The following GRAP variants were observed in gnomAD, a reference collection of about 807,000 sequenced individuals.
GRAP encodes GRB2-related adapter protein.
GRAP carries 2 observed loss-of-function variants against 9.1 expected under a neutral mutation model. That is an observed-to-expected ratio of 0.22 (90% CI 0.09 to 0.69). The LOEUF (loss-of-function observed/expected upper bound fraction) is 0.69, where lower values mean the gene tolerates loss of function less well. Ranked by LOEUF, GRAP falls within the 30% of genes least tolerant of loss-of-function variation. GRAP has a pLI of 0.81. For missense variants in GRAP, 113 were observed against 179.4 expected (o/e 0.63, Z 2.12); for synonymous variants, 68 against 73.6 (o/e 0.92, Z 0.39).
In GRAP at chr17:19,024,338, C is replaced by A; in HGVS notation, c.345G>T (p.Ser115=). Residue 115 remains serine, a synonymous_variant, in exon 4 of 5, where the codon TCG becomes TCT. Transcript: ENST00000284154. The surrounding 1 kb of genome is among the most constrained non-coding windows in gnomAD (Gnocchi z 4.2). Reference sequence around the variant, plus strand: ...TCTCCTCCCACAGGAAGTACTTCCCCGAGGCCTCACGCAGCACCTTGAAGT... The same window carrying A: ...TCTCCTCCCACAGGAAGTACTTCCCAGAGGCCTCACGCAGCACCTTGAAGT... ...VQHFKVLREA[S]GKYFLWEEKF... is the part of the protein sequence containing the mutation. 1 of 1,611,992 alleles carries A rather than the reference C, an allele frequency of 6.2e-7. No individual in the cohort carries two copies. The highest frequency in any genetic ancestry group is 8.5e-7 in the Non-Finnish European group (1 of 1,179,408).
In GRAP at chr17:19,021,928, G is replaced by T; in HGVS notation, c.*31C>A. Reference sequence around the variant, plus strand: ...CTCTGGACCTCAGTTCCTGTAAAAAGGCCCGTTGGCCAGATCGGCCGCCGG... The same window carrying T: ...CTCTGGACCTCAGTTCCTGTAAAAATGCCCGTTGGCCAGATCGGCCGCCGG... On this transcript the variant is annotated 3_prime_UTR_variant, in exon 5 of 5. Transcript: ENST00000284154. The surrounding 1 kb of genome is among the most constrained non-coding windows in gnomAD (Gnocchi z 4.1). 6.8e-7 allele frequency: 1 copy of T among 1,469,526 alleles called. No individual in the cohort carries two copies. The highest frequency in any genetic ancestry group is 9.0e-7 in the Non-Finnish European group (1 of 1,111,032). 91.0% of individuals were successfully genotyped at this position (1,469,526 alleles called of 1,614,324 possible). A position where few individuals can be genotyped will look rare whatever the true frequency, so the allele number is the denominator to read the frequency against.
chr17:19,021,314 C>T lies in GRAP; in HGVS notation c.*645G>A, dbSNP rs567643515. ...TGTCCAACAGAAGAGGAGTGTGCCT[C>T]CACCTTCCCTACTGCCCGCCCCTTT... On this transcript the variant is annotated 3_prime_UTR_variant, in exon 5 of 5. Coordinates refer to ENST00000284154, the MANE Select transcript of GRAP (RefSeq NM_006613.4). This position sits in a 1 kb window ranked among gnomAD's most constrained non-coding sequence, Gnocchi z 4.1. The T allele has an allele frequency of 6.5e-6, 1 of 152,938 alleles. No homozygotes were observed. The highest frequency in any genetic ancestry group is 1.9e-4 in the East Asian group (1 of 5,204). 9.5% of individuals were successfully genotyped at this position (152,938 alleles called of 1,614,324 possible).
At position 19,024,349 on chromosome 17, in the gene GRAP, G is replaced by A. The variant is rs2044296604; in HGVS notation, c.334C>T (p.Arg112Cys). The A allele has an allele frequency of 2.5e-6, 4 of 1,612,068 alleles. No homozygotes were observed. The highest frequency in any genetic ancestry group is 1.3e-5 in the African/African-American group (1 of 74,982). The change falls in exon 4 of 5, where the codon CGT becomes TGT. Residue 112 changes from arginine (R) to cysteine (C), a missense_variant. Arg to Cys is a radical substitution (Grantham distance 180, BLOSUM62 -3). Around this residue, in one of 2 missense-constraint regions of GRAP, gnomAD observed 113 missense variants for 163.3 expected, o/e 0.69. Coordinates refer to ENST00000284154, the MANE Select transcript of GRAP (RefSeq NM_006613.4). This position sits in a 1 kb window ranked among gnomAD's most constrained non-coding sequence, Gnocchi z 4.2. Reference protein sequence around the residue: ...GDQVQHFKVLREASGKYFLWE... With the variant: ...GDQVQHFKVLCEASGKYFLWE... ...AGGAAGTACTTCCCCGAGGCCTCAC[G>A]CAGCACCTTGAAGTGCTGCACCTGG...
chr17:19,050,135 A>AC (rs2044391906), upstream of GRAP, among the ~76,000 whole-genome samples: 1 of 38,210 alleles, frequency 2.6e-5, no homozygotes, highest in African/African-American at 7.3e-5. Flanking sequence ...AAACAAAAAA[A>AC]CAACAAAATA....
rs1376742670 is a variant in GRAP, at chr17:19,021,436, A to T, written c.*523T>A. On this transcript the variant is annotated 3_prime_UTR_variant, in exon 5 of 5. Transcript: ENST00000284154. The surrounding 1 kb of genome is among the most constrained non-coding windows in gnomAD (Gnocchi z 4.1). ...TGTTGAGGAGTTGGTGTCCACCTGG[A>T]GTCTGTCCAGTGAGTTTAGGTCAAC... The T allele has an allele frequency of 5.8e-6, 1 of 173,122 alleles. No homozygotes were observed. The highest frequency in any genetic ancestry group is 1.5e-4 in the East Asian group (1 of 6,518). The allele number at this position is 173,122 out of a possible 1,614,324, so 10.7% of individuals were successfully genotyped here. A position where few individuals can be genotyped will look rare whatever the true frequency, so the allele number is the denominator to read the frequency against.
intron 3 of GRAP, among the ~76,000 whole-genome samples, chr17:19,029,689 C>T (rs562668481): frequency 0.011 from 159 of 14,304 alleles, 1 homozygote; most frequent in Middle Eastern, 0.036. Context: ...GAGAATCCCC[C>T]AGACTGGGGC....
intron 1 of GRAP, among the ~76,000 whole-genome samples, chr17:19,043,880 G>A (rs2044373342): frequency 6.6e-6 from 1 of 150,618 alleles, no homozygotes; most frequent in African/African-American, 2.4e-5. Context: ...GCTTCGTTTT[G>A]TCTCCTTGTC....
chr17:19,021,833 C>A lies in GRAP; in HGVS notation c.*126G>T. On this transcript the variant is annotated 3_prime_UTR_variant, in exon 5 of 5. Transcript: ENST00000284154. The surrounding 1 kb of genome is among the most constrained non-coding windows in gnomAD (Gnocchi z 4.1). ...CAGAGCGGCCGGAGGCAGTTAGGAG[C>A]CCACGTTCAGTCCAAGGCCGTCCAC... The A allele has an allele frequency of 1.0e-6, 1 of 989,552 alleles. No individual in the cohort carries two copies. The highest frequency in any genetic ancestry group is 1.3e-6 in the Non-Finnish European group (1 of 743,404). 61.3% of individuals were successfully genotyped at this position (989,552 alleles called of 1,614,324 possible).
intron 3 of GRAP, among the ~76,000 whole-genome samples, chr17:19,025,366 G>A (rs1325011675): frequency 6.8e-6 from 1 of 147,680 alleles, no homozygotes; most frequent in African/African-American, 2.5e-5. Flanking sequence ...TAATTTTTTG[G>A]TATTTTTAGT....
intron 3 of GRAP, chr17:19,032,038 T>C: frequency 6.9e-6 from 1 of 145,584 alleles, no homozygotes; most frequent in Non-Finnish European, 1.6e-5. Flanking sequence ...CAGGCCAGGA[T>C]TTCTCTGAGG....
At position 19,021,199 on chromosome 17, in the gene GRAP, T is replaced by A. The variant is rs1049650559; in HGVS notation, c.*760A>T. The A allele has an allele frequency of 6.6e-6, 1 of 152,308 alleles. No homozygotes were observed. The highest frequency in any genetic ancestry group is 2.4e-5 in the African/African-American group (1 of 41,460). The allele number at this position is 152,308 out of a possible 1,614,324, so 9.4% of individuals were successfully genotyped here. A position where few individuals can be genotyped will look rare whatever the true frequency, so the allele number is the denominator to read the frequency against. On this transcript the variant is annotated 3_prime_UTR_variant, in exon 5 of 5. Coordinates refer to ENST00000284154, the MANE Select transcript of GRAP (RefSeq NM_006613.4). The surrounding 1 kb of genome is among the most constrained non-coding windows in gnomAD (Gnocchi z 4.1). ...TCCTGAGAGCTCTGCTGGGCCCCGG[T>A]CTGGGCAGAACCTGGGCCTAAACAA...
Position 19,021,879 on chromosome 17 carries a change from CAG to C in GRAP, c.*78_*79del. ...TCCACTGAGCCCCGTGTGACTCTGA[CAG>C]AGCTGGGGGTGTCCATGTCCTCTCT... On this transcript the variant is annotated 3_prime_UTR_variant, in exon 5 of 5. Transcript: ENST00000284154. This position sits in a 1 kb window ranked among gnomAD's most constrained non-coding sequence, Gnocchi z 4.1. 2.9e-6 allele frequency: 4 copies of C among 1,367,780 alleles called. No individual in the cohort carries two copies. Among genetic ancestry groups the C allele is most frequent in the Non-Finnish European group, 3.8e-6 (4 of 1,049,334 alleles). The allele number at this position is 1,367,780 out of a possible 1,614,324, so 84.7% of individuals were successfully genotyped here. A position where few individuals can be genotyped will look rare whatever the true frequency, so the allele number is the denominator to read the frequency against.
At chr17:19,027,480 G>GCACACACA (rs771916548) in intron 3 of GRAP, among the ~76,000 whole-genome samples, 36 of 69,442 alleles carry the variant, frequency 5.2e-4, no homozygotes, top group Non-Finnish European at 7.0e-4. Context: ...GCGCGCGCGC[G>GCACACACA]CGCGCACACA....
intron 3 of GRAP, among the ~76,000 whole-genome samples, chr17:19,027,483 C>CGCGT (rs2044317776): frequency 2.4e-5 from 1 of 41,652 alleles, no homozygotes; most frequent in African/African-American, 4.4e-5. Context: ...CGCGCGCGCG[C>CGCGT]GCACACACAC....
rs2044300179 is a variant in GRAP, at chr17:19,024,781, A to G, written c.300-398T>C. On this transcript the variant is annotated intron_variant, in intron 3 of 4. Coordinates refer to ENST00000284154, the MANE Select transcript of GRAP (RefSeq NM_006613.4). The surrounding 1 kb of genome is among the most constrained non-coding windows in gnomAD (Gnocchi z 4.2). Reference sequence around the variant, plus strand: ...CGTGATCAGAGAGCATCTCCTTCACATCTCTTTGTTGTTCCCCTCAGCTTG... The same window carrying G: ...CGTGATCAGAGAGCATCTCCTTCACGTCTCTTTGTTGTTCCCCTCAGCTTG... Among the ~76,000 whole-genome samples, 1 of 152,002 alleles carries G rather than the reference A, an allele frequency of 6.6e-6. No homozygotes were observed. The highest frequency in any genetic ancestry group is 1.5e-5 in the Non-Finnish European group (1 of 68,012).
chr17:19,029,946 G>A (rs1034916707), intron 3 of GRAP, among the ~76,000 whole-genome samples: 3 of 59,198 alleles, frequency 5.1e-5, no homozygotes, highest in Admixed American at 1.6e-4. Flanking sequence ...GGGCAGTGCC[G>A]GGGGTGTGAG....
At chr17:19,031,909 C>G (rs2044340689) in intron 3 of GRAP, 1 of 152,146 alleles carries the variant, frequency 6.6e-6, no homozygotes, top group South Asian at 2.1e-4. Context: ...AGCCAAGGGT[C>G]AAGGGCTCCA....
chr17:19,021,481 C>T lies in GRAP; in HGVS notation c.*478G>A, dbSNP rs1328685927. 5 of 224,098 alleles carry T rather than the reference C, an allele frequency of 2.2e-5. No individual in the cohort carries two copies. The highest frequency in any genetic ancestry group is 8.8e-5 in the East Asian group (1 of 11,308). The allele number at this position is 224,098 out of a possible 1,614,324, so 13.9% of individuals were successfully genotyped here. ...GTCAACAGGTGTGCAGTCTGTCCTT[C>T]GAGGCTGAGCCACCTCCCAACAGCC... On this transcript the variant is annotated 3_prime_UTR_variant, in exon 5 of 5. Transcript: ENST00000284154. This position sits in a 1 kb window ranked among gnomAD's most constrained non-coding sequence, Gnocchi z 4.1.
intron 1 of GRAP, among the ~76,000 whole-genome samples, chr17:19,043,874 C>T (rs2044373287): frequency 6.6e-6 from 1 of 150,706 alleles, no homozygotes; most frequent in South Asian, 2.1e-4. Flanking sequence ...GTCCCTGCTT[C>T]GTTTTGTCTC....
Sources: gnomAD v4.1 joint callset for allele counts (sites outside exome capture counted in the v4.1 genomes callset) on GRCh38, gnomAD v4.1.1 for gene constraint, gnomAD v4.1.1 regional missense constraint, Gnocchi (gnomAD v3.1) non-coding constraint, MANE v1.5 for transcripts, NCBI Gene and HGNC (gene_info 2026-07-23, HGNC 2026-07-21) for gene names.